The following LGI2 variants were observed in gnomAD, a reference collection of about 807,000 sequenced individuals.
LGI2 encodes the protein leucine-rich repeat LGI family member 2.
Under a neutral mutation model 52.0 loss-of-function variants are expected in LGI2, and 30 were observed. The ratio of observed to expected loss-of-function variants is 0.58; its 90% CI spans 0.43 to 0.78. The LOEUF is 0.78. LGI2 is among the 30% of genes least tolerant of loss of function. The pLI is 0.00. For synonymous variants in LGI2, 270 were observed against 271.8 expected, an observed-to-expected ratio of 0.99 and a Z score of 0.06; for missense variants, 573 against 692.5, an observed-to-expected ratio of 0.83 and a Z score of 1.94.
rs146301024 is a variant in LGI2 at position 25,027,557 on chromosome 4, C to A, written c.270-618G>T. On this transcript the variant is annotated intron_variant, in intron 2 of 7. Transcript: ENST00000382114. ...TAATAGCACTGCAATTTCTAAGAGG[C>A]CTCAGATTTTAAAATGTTAAGTGTA... 9.9e-5 allele frequency among the ~76,000 whole-genome samples: 15 copies of A among 152,150 alleles called. No homozygotes were observed. The East Asian group carries it at 2.9e-3, about 29-fold the overall frequency.
the LGI2 span, among the ~76,000 whole-genome samples, chr4:24,993,023 G>A: frequency 6.6e-6 from 1 of 152,184 alleles, no homozygotes. Flanking sequence ...CCTGCTGGCT[G>A]TGTGACTCCA....
intron 6 of LGI2, among the ~76,000 whole-genome samples, chr4:25,013,563 C>T (rs967438864): frequency 2.6e-5 from 4 of 152,160 alleles, no homozygotes; most frequent in East Asian, 3.8e-4. Flanking sequence ...GATCCCATGA[C>T]GGCACTGAAA....
chr4:24,996,294 TG>T (rs911136383), downstream of LGI2, among the ~76,000 whole-genome samples: 1 of 152,218 alleles, frequency 6.6e-6, no homozygotes, highest in Non-Finnish European at 1.5e-5. Context: ...TGAACGCTTT[TG>T]TATCTTTCTT....
intron 2 of LGI2, 25 bp from the exon 3 acceptor site, chr4:25,026,964 T>A: frequency 6.4e-7 from 1 of 1,564,724 alleles, no homozygotes; most frequent in Non-Finnish European, 8.8e-7. Context: ...CAGATTCCAA[T>A]GGAGAGATGT....
intron 4 of LGI2, among the ~76,000 whole-genome samples, chr4:25,020,601 A>C (rs577610696): frequency 9.8e-5 from 15 of 152,388 alleles, no homozygotes; most frequent in African/African-American, 3.1e-4. Flanking sequence ...CCAATTTAAG[A>C]TATCTATGAA....
At chr4:25,009,910 A>T (rs1009507721) in intron 7 of LGI2, among the ~76,000 whole-genome samples, 1 of 152,196 alleles carries the variant, frequency 6.6e-6, no homozygotes, top group Non-Finnish European at 1.5e-5. Flanking sequence ...CTGGGATAAC[A>T]GGCATGAGTC....
At chr4:25,007,543 A>C (rs189463927) in intron 7 of LGI2, among the ~76,000 whole-genome samples, 1 of 151,074 alleles carries the variant, frequency 6.6e-6, no homozygotes, top group East Asian at 1.9e-4. Flanking sequence ...CACTCTGTCC[A>C]GGTTAGCCAT....
intron 7 of LGI2, among the ~76,000 whole-genome samples, chr4:25,008,566 A>G (rs1025899564): frequency 2.6e-5 from 4 of 151,846 alleles, no homozygotes; most frequent in African/African-American, 9.7e-5. Context: ...AAAAAAAAAA[A>G]AAAAAAAAAT....
At chr4:25,029,884 G>T (rs752413493) in intron 1 of LGI2, among the ~76,000 whole-genome samples, 2 of 152,198 alleles carry the variant, frequency 1.3e-5, no homozygotes, top group Non-Finnish European at 2.9e-5. Flanking sequence ...GCCACGGGGG[G>T]CGGCCCCTCC....
Position 25,030,702 on chromosome 4 carries a change from C to T in LGI2, c.-9G>A, listed in dbSNP as rs1035153116. On this transcript the variant is annotated 5_prime_UTR_variant, in exon 1 of 8. Coordinates refer to ENST00000382114, the MANE Select transcript of LGI2 (RefSeq NM_018176.4). ...CCTCTCCGCAGCGCCATGCCCGGTC[C>T]CCGCTCCCCGCCCGGGCCCCGACCC... The T allele has an allele frequency of 5.2e-4, 672 of 1,301,112 alleles. No homozygotes were observed. Among genetic ancestry groups the T allele is most frequent in the Admixed American group, 6.3e-4 (15 of 23,638 alleles). The allele number at this position is 1,301,112 out of a possible 1,614,324, so 80.6% of individuals were successfully genotyped here.
chr4:24,992,455 T>A, the LGI2 span, among the ~76,000 whole-genome samples: 1 of 152,020 alleles, frequency 6.6e-6, no homozygotes, highest in South Asian at 2.1e-4. Context: ...GGCTCACACC[T>A]GTAATCCCAG....
intron 2 of LGI2, 22 bp from the exon 3 acceptor site, chr4:25,026,961 C>T: frequency 6.3e-7 from 1 of 1,575,624 alleles, no homozygotes; most frequent in Non-Finnish European, 8.7e-7. Context: ...AGACAGATTC[C>T]AATGGAGAGA....
In LGI2 at chr4:25,030,722, C is replaced by T; in HGVS notation, c.-29G>A. On this transcript the variant is annotated 5_prime_UTR_variant, in exon 1 of 8. Transcript: ENST00000382114. ...CGGTCCCCGCTCCCCGCCCGGGCCC[C>T]GACCCCCACCGCCGCGCCGCGCGCT... The T allele has an allele frequency of 1.7e-6, 2 of 1,176,072 alleles. No individual in the cohort carries two copies. Among genetic ancestry groups the T allele is most frequent in the Admixed American group, 4.6e-5 (1 of 21,618 alleles). The allele number at this position is 1,176,072 out of a possible 1,614,324, so 72.9% of individuals were successfully genotyped here. A position where few individuals can be genotyped will look rare whatever the true frequency, so the allele number is the denominator to read the frequency against.
chr4:24,996,482 T>A (rs6826304), downstream of LGI2, among the ~76,000 whole-genome samples: 23,637 of 152,200 alleles, frequency 0.16, 1,864 homozygotes, highest in East Asian at 0.24. Flanking sequence ...CAATGTGTCC[T>A]GAATTCTTTG....
Position 25,003,818 on chromosome 4 carries a change from T to C in LGI2, c.1271A>G (p.Lys424Arg), listed in dbSNP as rs1725319199. Residue 424 changes from lysine to arginine, a missense_variant, in exon 8 of 8, where the codon AAG (lysine) becomes AGG (arginine). By Grantham distance (26) the Lys-to-Arg change is conservative (BLOSUM62 2). Transcript: ENST00000382114. Reference sequence around the variant, plus strand: ...GAGGGTATTTTGCATTCGGAAGCTCTTCACAGCCAGTACGTCCTCCATGTT... The same window carrying C: ...GAGGGTATTTTGCATTCGGAAGCTCCTCACAGCCAGTACGTCCTCCATGTT... Reference protein sequence around the residue: ...IPNMEDVLAVKSFRMQNTLYL... With the variant: ...IPNMEDVLAVRSFRMQNTLYL... The C allele has an allele frequency of 6.2e-7, 1 of 1,614,206 alleles. No homozygotes were observed. Among genetic ancestry groups the C allele is most frequent in the Non-Finnish European group, 8.5e-7 (1 of 1,180,038 alleles).
chr4:25,017,047 A>G (rs1451624713), intron 6 of LGI2, among the ~76,000 whole-genome samples: 1 of 152,216 alleles, frequency 6.6e-6, no homozygotes, highest in African/African-American at 2.4e-5. Context: ...GTTTTATCTT[A>G]TAACCTGAAA....
At chr4:25,010,706 A>C (rs375160593) in intron 7 of LGI2, among the ~76,000 whole-genome samples, 2 of 152,188 alleles carry the variant, frequency 1.3e-5, no homozygotes, top group East Asian at 3.9e-4. Flanking sequence ...TAACTCCAAG[A>C]GCTGTTATGA....
intron 4 of LGI2, among the ~76,000 whole-genome samples, chr4:25,020,299 C>T (rs1437371741): frequency 6.6e-6 from 1 of 152,166 alleles, no homozygotes; most frequent in African/African-American, 2.4e-5. Flanking sequence ...AGTCCACACC[C>T]CACCTCCAGG....
chr4:25,008,759 A>G (rs1263127325), intron 7 of LGI2, among the ~76,000 whole-genome samples: 1 of 152,156 alleles, frequency 6.6e-6, no homozygotes, highest in Non-Finnish European at 1.5e-5. Flanking sequence ...GTTGGAACTC[A>G]TTTCTTAGGC....
Sources: gnomAD v4.1 joint callset for allele counts (sites outside exome capture counted in the v4.1 genomes callset) on GRCh38, gnomAD v4.1.1 for gene constraint, MANE v1.5 for transcripts, NCBI Gene and HGNC (gene_info 2026-07-23, HGNC 2026-07-21) for gene names.